Variants in CHN2 observed in about 807,000 individuals in gnomAD.
CHN2 encodes the protein beta-chimaerin.
CHN2 carries 35 observed loss-of-function variants against 56.3 expected under a neutral mutation model. That is an observed-to-expected ratio of 0.62 (90% confidence interval 0.47 to 0.82). The LOEUF is 0.82. Among genes scored for constraint, CHN2 ranks in the 40% least tolerant of loss-of-function variants. The pLI is 0.00. For missense variants in CHN2, 491 were observed against 580.5 expected, an observed-to-expected ratio of 0.85 and a Z score of 1.58; for synonymous variants, 210 against 212.8, an observed-to-expected ratio of 0.99 and a Z score of 0.12.
In CHN2 at chr7:29,197,784, C is replaced by T. The variant is rs573197109; in HGVS notation, c.49+2794C>T. Reference sequence around the variant, plus strand: ...GCAGCCGAGACAAACATGCAAACAGCAACCTCTATTCCAGTTTGATAAAAC... The same window carrying T: ...GCAGCCGAGACAAACATGCAAACAGTAACCTCTATTCCAGTTTGATAAAAC... On this transcript the variant is annotated intron_variant, in intron 1 of 12. Coordinates refer to ENST00000222792, the MANE Select transcript of CHN2 (RefSeq NM_004067.4). 429 of 360,942 alleles carry T rather than the reference C, an allele frequency of 1.2e-3. 1 individual carries two copies. Among genetic ancestry groups the T allele is most frequent in the African/African-American group, 8.6e-3 (405 of 47,030 alleles). 22.4% of individuals were successfully genotyped at this position (360,942 alleles called of 1,614,324 possible).
intron 7 of CHN2, among the ~76,000 whole-genome samples, chr7:29,482,730 GAACA>G (rs1021099444): frequency 4.2e-5 from 6 of 142,594 alleles, no homozygotes; most frequent in African/African-American, 1.6e-4. Context: ...TCAATAAAAA[GAACA>G]AATAATCACA....
intron 1 of CHN2, among the ~76,000 whole-genome samples, chr7:29,225,755 A>G (rs1786140199): frequency 6.6e-6 from 1 of 152,078 alleles, no homozygotes; most frequent in Admixed American, 6.6e-5. Context: ...CCCTTTTTTG[A>G]GGAATCACCA....
chr7:29,459,678 G>A (rs984454929), intron 6 of CHN2, among the ~76,000 whole-genome samples: 6 of 152,146 alleles, frequency 3.9e-5, no homozygotes, highest in East Asian at 1.9e-4. Flanking sequence ...CCTCTGTTAC[G>A]ACAGCCACCT....
intron 1 of CHN2, among the ~76,000 whole-genome samples, chr7:29,353,716 C>T (rs182442194): frequency 3.3e-5 from 5 of 152,188 alleles, no homozygotes; most frequent in Admixed American, 1.3e-4. Context: ...GGTGCACCAG[C>T]GGTAGAGGAT....
chr7:29,253,744 A>G (rs558374370), intron 1 of CHN2, among the ~76,000 whole-genome samples: 1 of 152,336 alleles, frequency 6.6e-6, no homozygotes, highest in East Asian at 1.9e-4. Context: ...TACTAGGTAT[A>G]AAATTCTGGT....
At chr7:29,353,163 G>A (rs1479836678) in intron 1 of CHN2, among the ~76,000 whole-genome samples, 1 of 152,186 alleles carries the variant, frequency 6.6e-6, no homozygotes, top group Non-Finnish European at 1.5e-5. Flanking sequence ...AGCATGGGAG[G>A]CATTTAGTTG....
At position 29,273,365 on chromosome 7, in the gene CHN2, A is replaced by ATATATATGTG. The variant is rs1554387260; in HGVS notation, c.49+78382_49+78383insGTGTATATAT. Among the ~76,000 whole-genome samples, 26 of 52,122 alleles carry ATATATATGTG rather than the reference A, an allele frequency of 5.0e-4. 1 individual carries two copies. Among genetic ancestry groups the ATATATATGTG allele is most frequent in the South Asian group, 2.4e-3 (3 of 1,234 alleles). The allele number at this position is 52,122 out of a possible 152,430, so 34.2% of individuals were successfully genotyped here. Reference sequence around the variant, plus strand: ...TGTGTATATATATATATATATATATATATATATATATATATATATATATAC... The same window carrying ATATATATGTG: ...TGTGTATATATATATATATATATATATATATATGTGTATATATATATATATATATATATAC... On this transcript the variant is annotated intron_variant, in intron 1 of 12. Transcript: ENST00000222792.
intron 2 of CHN2, among the ~76,000 whole-genome samples, chr7:29,172,416 A>C (rs1796721097): frequency 6.6e-6 from 1 of 152,154 alleles, no homozygotes; most frequent in Non-Finnish European, 1.5e-5. Context: ...AATATGCTGT[A>C]ACAATAATCT....
intron 2 of CHN2, among the ~76,000 whole-genome samples, chr7:29,177,775 A>G (rs1005442445): frequency 2.6e-5 from 4 of 152,012 alleles, no homozygotes; most frequent in African/African-American, 9.7e-5. Flanking sequence ...CCATCTCATT[A>G]TGCTCCCACC....
chr7:29,262,550 G>A (rs191662102), intron 1 of CHN2, among the ~76,000 whole-genome samples: 1 of 152,162 alleles, frequency 6.6e-6, no homozygotes, highest in South Asian at 2.1e-4. Flanking sequence ...TGTTTTCTTT[G>A]TGTTGACTTC....
intron 1 of CHN2, among the ~76,000 whole-genome samples, chr7:29,353,126 AC>A (rs1485933662): frequency 2.0e-5 from 3 of 152,360 alleles, no homozygotes; most frequent in Middle Eastern, 3.4e-3. Context: ...TTCAAGCCTA[AC>A]AGTACAGATT....
At chr7:29,358,581 G>A (rs753005302) in intron 2 of CHN2, among the ~76,000 whole-genome samples, 17 of 151,910 alleles carry the variant, frequency 1.1e-4, no homozygotes, top group Non-Finnish European at 2.2e-4. Context: ...TCCTGCCTCA[G>A]CCTCCCGAGT....
intron 1 of CHN2, among the ~76,000 whole-genome samples, chr7:29,310,707 T>C (rs547130734): frequency 1.2e-3 from 184 of 152,330 alleles, no homozygotes; most frequent in Non-Finnish European, 1.9e-3. Context: ...ACCCATTTCC[T>C]GATTCATAAA....
chr7:29,456,137 A>C (rs1784734128), intron 6 of CHN2, among the ~76,000 whole-genome samples: 1 of 152,180 alleles, frequency 6.6e-6, no homozygotes, highest in Non-Finnish European at 1.5e-5. Context: ...CCTTCCTTCA[A>C]GGCTCATCTC....
intron 1 of CHN2, among the ~76,000 whole-genome samples, chr7:29,220,416 A>C (rs560287712): frequency 6.6e-6 from 1 of 152,228 alleles, no homozygotes; most frequent in East Asian, 1.9e-4. Flanking sequence ...CATCTCTAGC[A>C]AACCAATCAA....
intron 1 of CHN2, among the ~76,000 whole-genome samples, chr7:29,264,018 G>T (rs1474653994): frequency 3.3e-5 from 5 of 149,770 alleles, no homozygotes; most frequent in South Asian, 2.1e-4. Context: ...GGAGCTGGGG[G>T]GCAGGCCCCG....
At chr7:29,446,905 G>A (rs2128127913) in intron 6 of CHN2, among the ~76,000 whole-genome samples, 1 of 152,286 alleles carries the variant, frequency 6.6e-6, no homozygotes, top group Middle Eastern at 3.4e-3. Context: ...CTCCATCTCA[G>A]GAGTGGGCCA....
chr7:29,413,820 A>C (rs1487683304), intron 6 of CHN2, among the ~76,000 whole-genome samples: 5 of 152,318 alleles, frequency 3.3e-5, no homozygotes, highest in South Asian at 2.1e-4. Context: ...TAAAGCTTCT[A>C]AACAAAGCGT....
chr7:29,211,186 T>C (rs1663362433), intron 1 of CHN2, among the ~76,000 whole-genome samples: 2 of 151,660 alleles, frequency 1.3e-5, no homozygotes, highest in Admixed American at 6.5e-5. Flanking sequence ...TTCTCCTGCC[T>C]CAGCCTCCTG....
Sources: gnomAD v4.1 joint callset for allele counts (sites outside exome capture counted in the v4.1 genomes callset) on GRCh38, gnomAD v4.1.1 for gene constraint, MANE v1.5 for transcripts, NCBI Gene and HGNC (gene_info 2026-07-23, HGNC 2026-07-21) for gene names.